The following ANXA10 variants were observed in gnomAD, a reference collection of about 807,000 sequenced individuals.
The protein encoded by ANXA10 is annexin 14.
In ANXA10, 49 loss-of-function variants were observed where a neutral mutation model predicts 53.5. The observed-to-expected ratio is 0.92, with a 90% CI of 0.73 to 1.16. The LOEUF is 1.16. ANXA10 is among the 50% of genes most tolerant of loss of function. The pLI is 0.00. For missense variants in ANXA10, 393 were observed against 394.4 expected (o/e 1.00, Z 0.03); for synonymous variants, 131 against 128.9 (o/e 1.02, Z -0.11).
chr4:168,166,861 A>T (rs574639718), intron 6 of ANXA10, among the ~76,000 whole-genome samples: 2 of 152,152 alleles, frequency 1.3e-5, no homozygotes, highest in Non-Finnish European at 2.9e-5. Context: ...AAAAGAATAC[A>T]TGAAAGCCTT....
rs533264128 is a variant in ANXA10, at chr4:168,114,759, T to C, written c.19-13325T>C. Among the ~76,000 whole-genome samples the C allele has an allele frequency of 7.9e-5, 12 of 152,326 alleles. No individual in the cohort carries two copies. The East Asian group carries it at 1.7e-3, about 22-fold the overall frequency. ...CATGCAATATTTGGTTTTCTGTTCCTGTGTTAATTTGCTAAGGATAATGGC... is the reference window on the plus strand; with the variant it reads ...CATGCAATATTTGGTTTTCTGTTCCCGTGTTAATTTGCTAAGGATAATGGC... On this transcript the variant is annotated intron_variant, in intron 1 of 11. Transcript: ENST00000359299.
intron 6 of ANXA10, among the ~76,000 whole-genome samples, chr4:168,170,708 A>G (rs1047549141): frequency 1.1e-4 from 16 of 152,308 alleles, no homozygotes; most frequent in African/African-American, 3.8e-4. Context: ...CAAGGCTTAC[A>G]TTTTATAAGA....
At chr4:168,155,897 GATATATCATATATTATATT>G (rs1731640239) in intron 3 of ANXA10, among the ~76,000 whole-genome samples, 1 of 7,592 alleles carries the variant, frequency 1.3e-4, no homozygotes, top group Non-Finnish European at 2.0e-4. Context: ...TATAATATAT[GATATATCATATATTATATT>G]ATATATCATA....
intron 6 of ANXA10, among the ~76,000 whole-genome samples, chr4:168,175,834 C>T (rs1209522633): frequency 6.6e-6 from 1 of 152,148 alleles, no homozygotes; most frequent in African/African-American, 2.4e-5. Context: ...TGTTCCAGGG[C>T]TACACATTTA....
intron 9 of ANXA10, 122 bp downstream of exon 9, chr4:168,179,434 A>C: frequency 1.4e-6 from 1 of 691,420 alleles, no homozygotes; most frequent in East Asian, 2.9e-5. Context: ...CTTGAATTTA[A>C]TTTTTTAAAA....
At chr4:168,168,791 T>C (rs1731928026) in intron 6 of ANXA10, among the ~76,000 whole-genome samples, 1 of 152,170 alleles carries the variant, frequency 6.6e-6, no homozygotes, top group Non-Finnish European at 1.5e-5. Context: ...TAACAGAAGA[T>C]GGTAAAGACA....
intron 1 of ANXA10, among the ~76,000 whole-genome samples, chr4:168,107,854 T>A (rs1297319934): frequency 6.6e-6 from 1 of 152,086 alleles, no homozygotes; most frequent in Non-Finnish European, 1.5e-5. Context: ...CCAAATACCA[T>A]TATATTGGGG....
At chr4:168,126,877 C>T (rs1731078576) in intron 1 of ANXA10, among the ~76,000 whole-genome samples, 1 of 152,080 alleles carries the variant, frequency 6.6e-6, no homozygotes, top group Non-Finnish European at 1.5e-5. Flanking sequence ...GAGGTAGAAT[C>T]CAAACTGAAT....
chr4:168,153,422 C>CAAAAAAAAAAAAAAAAAAACAAAAA (rs1731531971), intron 3 of ANXA10, among the ~76,000 whole-genome samples: 1 of 43,508 alleles, frequency 2.3e-5, no homozygotes, highest in African/African-American at 8.0e-5. Context: ...AAGCCTAAAG[C>CAAAAAAAAAAAAAAAAAAACAAAAA]AAAAAAAAAA....
intron 3 of ANXA10, among the ~76,000 whole-genome samples, chr4:168,142,294 TC>T (rs1051138972): frequency 1.3e-5 from 2 of 152,110 alleles, no homozygotes; most frequent in Non-Finnish European, 2.9e-5. Context: ...CTTGCTTTGT[TC>T]CTGCTCTCCG....
chr4:168,129,871 C>T (rs1731130948), intron 2 of ANXA10, among the ~76,000 whole-genome samples: 1 of 152,148 alleles, frequency 6.6e-6, no homozygotes, highest in South Asian at 2.1e-4. Context: ...TACTTTCCTG[C>T]CCATGCATTC....
intron 6 of ANXA10, among the ~76,000 whole-genome samples, chr4:168,172,134 A>C (rs556264465): frequency 9.5e-4 from 145 of 152,286 alleles, no homozygotes; most frequent in African/African-American, 3.0e-3. Flanking sequence ...TGGTACTTAC[A>C]TCAATTAAAC....
intron 1 of ANXA10, among the ~76,000 whole-genome samples, chr4:168,117,939 C>A (rs7685768): frequency 0.51 from 66,101 of 129,154 alleles, 15,652 homozygotes; most frequent in Non-Finnish European, 0.57. Context: ...TCACTCACTC[C>A]CTCCCTCCCT....
intron 3 of ANXA10, among the ~76,000 whole-genome samples, chr4:168,155,814 T>TCA (rs1328214710): frequency 6.6e-5 from 1 of 15,222 alleles, no homozygotes; most frequent in Admixed American, 1.4e-3. Flanking sequence ...ATATGATATA[T>TCA]TATATATGAT....
chr4:168,156,903 A>C (rs928358846), intron 3 of ANXA10, among the ~76,000 whole-genome samples: 3 of 152,102 alleles, frequency 2.0e-5, no homozygotes, highest in Admixed American at 6.6e-5. Context: ...GAATAATTTT[A>C]CAAACTCTTC....
chr4:168,135,935 G>A (rs972899962), intron 2 of ANXA10, among the ~76,000 whole-genome samples: 4 of 152,170 alleles, frequency 2.6e-5, no homozygotes, highest in Admixed American at 6.5e-5. Context: ...GGCTTTGCAG[G>A]CTGTACAGGA....
intron 1 of ANXA10, among the ~76,000 whole-genome samples, chr4:168,106,736 G>A (rs1730725922): frequency 6.6e-6 from 1 of 152,046 alleles, no homozygotes; most frequent in Non-Finnish European, 1.5e-5. Flanking sequence ...TGGAAAGGAG[G>A]TTGTAACATT....
chr4:168,175,116 A>C (rs1732101406), intron 6 of ANXA10, among the ~76,000 whole-genome samples: 1 of 152,232 alleles, frequency 6.6e-6, no homozygotes, highest in Non-Finnish European at 1.5e-5. Context: ...GAGATCGAAA[A>C]GAAGAGAAAC....
chr4:168,151,928 CT>C (rs759958847), intron 3 of ANXA10, among the ~76,000 whole-genome samples: 5 of 152,180 alleles, frequency 3.3e-5, no homozygotes, highest in African/African-American at 2.4e-5. Flanking sequence ...CCAAGAATGA[CT>C]CCAAACAAAT....
Sources: gnomAD v4.1 joint callset for allele counts (sites outside exome capture counted in the v4.1 genomes callset) on GRCh38, gnomAD v4.1.1 for gene constraint, MANE v1.5 for transcripts, NCBI Gene and HGNC (gene_info 2026-07-23, HGNC 2026-07-21) for gene names.